Variants in EPHA10 observed in about 807,000 individuals in gnomAD.
EPHA10 encodes ephrin type-A receptor 10.
A neutral mutation model predicts 109.7 loss-of-function variants in EPHA10; 120 were observed. That is an observed-to-expected ratio of 1.09 (90% CI 0.94 to 1.27). The LOEUF (loss-of-function observed/expected upper bound fraction) is 1.27. EPHA10 is among the 50% of genes most tolerant of loss of function. The pLI is 0.00. For missense variants in EPHA10, 1,396 were observed against 1,411.1 expected (o/e 0.99, Z 0.17); for synonymous variants, 640 against 618.9 (o/e 1.03, Z -0.51).
In EPHA10 at chr1:37,761,561, TGGA is replaced by T. The variant is rs1362304417; in HGVS notation, c.691_693del (p.Ser231del). On this transcript the variant is annotated inframe_deletion, in exon 3 of 17. Transcript: ENST00000373048. Reference sequence around the variant, plus strand: ...CACGTTCCGGCCACTTCCACCAGTGTGGAGAAGGCGCTCTCGGCTGCGGTGGCT... The same window carrying T: ...CACGTTCCGGCCACTTCCACCAGTGTGAAGGCGCTCTCGGCTGCGGTGGCT... 6.3e-7 allele frequency: 1 copy of T among 1,598,384 alleles called. No homozygotes were observed. Among genetic ancestry groups the T allele is most frequent in the East Asian group, 2.2e-5 (1 of 44,730 alleles).
At chr1:37,729,338 A>G (rs1162532046) in intron 7 of EPHA10, among the ~76,000 whole-genome samples, 1 of 152,202 alleles carries the variant, frequency 6.6e-6, no homozygotes, top group African/African-American at 2.4e-5. Context: ...GATTATAAAT[A>G]TTTGTTGTTT....
intron 3 of EPHA10, among the ~76,000 whole-genome samples, chr1:37,757,147 C>A (rs561367326): frequency 2.7e-4 from 41 of 152,310 alleles, no homozygotes; most frequent in African/African-American, 9.6e-4. Context: ...ATTAAAGCTA[C>A]TTGTTATATG....
chr1:37,729,770 A>C (rs1645951451), intron 7 of EPHA10, among the ~76,000 whole-genome samples: 1 of 151,908 alleles, frequency 6.6e-6, no homozygotes, highest in African/African-American at 2.4e-5. Flanking sequence ...CTACTTGGGA[A>C]GCTGAGGTGG....
At position 37,754,178 on chromosome 1, in the gene EPHA10, C is replaced by T. The variant is rs1306842884; in HGVS notation, c.1006+37G>A. The T allele has an allele frequency of 3.2e-6, 4 of 1,266,442 alleles. No homozygotes were observed. The highest frequency in any genetic ancestry group is 4.0e-6 in the Non-Finnish European group (4 of 998,536). 78.5% of individuals were successfully genotyped at this position (1,266,442 alleles called of 1,614,324 possible). A position where few individuals can be genotyped will look rare whatever the true frequency, so the allele number is the denominator to read the frequency against. On this transcript the variant is annotated intron_variant, in intron 4 of 16. Transcript: ENST00000373048. The surrounding 1 kb of genome is among the most constrained non-coding windows in gnomAD (Gnocchi z 4.5). ...CCTTCCTTCTTGGCCACTCCCACCC[C>T]CCACCCTCCGCAGTGCAGCCTGGAG...
Position 37,721,858 on chromosome 1 carries a change from A to T in EPHA10, c.1961-13T>A. 1 of 1,554,496 alleles carries T rather than the reference A, an allele frequency of 6.4e-7. No individual in the cohort carries two copies. Among genetic ancestry groups the T allele is most frequent in the Non-Finnish European group, 8.7e-7 (1 of 1,146,236 alleles). On this transcript the variant is annotated splice_polypyrimidine_tract_variant and intron_variant, in intron 10 of 16. Transcript: ENST00000373048. The stretch of plus-strand genomic sequence containing the variant: ...TCCCCAAACCGCCCTGTGGGGAAAC[A>T]GCACCTCAGATACCGCCAGAGGCCA...
At chr1:37,732,464 G>A (rs1411494933) in intron 6 of EPHA10, among the ~76,000 whole-genome samples, 1 of 152,148 alleles carries the variant, frequency 6.6e-6, no homozygotes, top group Non-Finnish European at 1.5e-5. Context: ...TCTCCCCACT[G>A]ATATTCGGTG....
intron 5 of EPHA10, among the ~76,000 whole-genome samples, chr1:37,746,388 C>T (rs1646243313): frequency 6.6e-6 from 1 of 152,052 alleles, no homozygotes; most frequent in Admixed American, 6.6e-5. Context: ...TGAGCCACCA[C>T]ACCGGGTAGT....
rs770343274 is a variant in EPHA10, at chr1:37,764,472, A to C, written c.106+489T>G. On this transcript the variant is annotated intron_variant, in intron 1 of 16. Coordinates refer to ENST00000373048, the MANE Select transcript of EPHA10 (RefSeq NM_001099439.2). This position sits in a 1 kb window ranked among gnomAD's most constrained non-coding sequence, Gnocchi z 5.8. ...ACGCTCAGAATTCAGCACTGCGGAC[A>C]GTTCCATGATCAGCACGTCGGGCAG... Among the ~76,000 whole-genome samples, 84 of 152,352 alleles carry C rather than the reference A, an allele frequency of 5.5e-4. 1 individual carries two copies. The highest frequency in any genetic ancestry group is 7.2e-4 in the Non-Finnish European group (49 of 68,034).
At chr1:37,745,112 G>A (rs1308382445) in intron 5 of EPHA10, among the ~76,000 whole-genome samples, 4 of 152,188 alleles carry the variant, frequency 2.6e-5, no homozygotes, top group Non-Finnish European at 4.4e-5. Context: ...AGGCAGCGTG[G>A]CTCTGACGAC....
intron 5 of EPHA10, among the ~76,000 whole-genome samples, chr1:37,749,120 C>T (rs1200668060): frequency 6.6e-6 from 1 of 151,098 alleles, no homozygotes; most frequent in Non-Finnish European, 1.5e-5. Flanking sequence ...GACGGGGTTT[C>T]ACCATGTTGG....
At chr1:37,723,013 G>T in intron 10 of EPHA10, 28 bp downstream of exon 10, 1 of 1,613,916 alleles carries the variant, frequency 6.2e-7, no homozygotes, top group Non-Finnish European at 8.5e-7. Context: ...TCCAGATGGG[G>T]ACAAGGCTTC....
intron 5 of EPHA10, among the ~76,000 whole-genome samples, chr1:37,739,616 G>A (rs571907344): frequency 6.7e-6 from 1 of 150,012 alleles, no homozygotes; most frequent in African/African-American, 2.5e-5. Context: ...TTGAACCCAG[G>A]AAGTGGAGGT....
chr1:37,718,815 GC>G lies in EPHA10; in HGVS notation c.2757del (p.Arg919SerfsTer6). On this transcript the variant is annotated frameshift_variant and splice_region_variant, in exon 16 of 17. Coordinates refer to ENST00000373048, the MANE Select transcript of EPHA10 (RefSeq NM_001099439.2). LOFTEE classifies it high-confidence loss of function. ...GCACGGTCCGCTAGTGGGGTGGGAG[GC>G]CTGCGGGTCAGAGGAGCTGTGCTCA... ...PPKCALTTCP[R>X]PPTPLADRAF... The G allele has an allele frequency of 6.2e-7, 1 of 1,609,500 alleles. No individual in the cohort carries two copies. Among genetic ancestry groups the G allele is most frequent in the Non-Finnish European group, 8.5e-7 (1 of 1,178,332 alleles).
intron 5 of EPHA10, 85 bp from the exon 6 acceptor site, chr1:37,735,475 G>A: frequency 2.0e-6 from 3 of 1,486,858 alleles, no homozygotes; most frequent in Non-Finnish European, 2.7e-6. Flanking sequence ...CGGCGTGCGG[G>A]GCTGTGGGAC....
In EPHA10 at chr1:37,716,606, G is replaced by C. The variant is rs1382905731; in HGVS notation, c.*1766C>G. 1 of 232,594 alleles carries C rather than the reference G, an allele frequency of 4.3e-6. No individual in the cohort carries two copies. Among genetic ancestry groups the C allele is most frequent in the African/African-American group, 2.2e-5 (1 of 45,270 alleles). The allele number at this position is 232,594 out of a possible 1,614,324, so 14.4% of individuals were successfully genotyped here. A position where few individuals can be genotyped will look rare whatever the true frequency, so the allele number is the denominator to read the frequency against. ...AGGGGAGCTGCTGCTGGCAGGGTAAGGCCAAAGGCACCTCTGTGAGTCACT... is the reference window on the plus strand; with the variant it reads ...AGGGGAGCTGCTGCTGGCAGGGTAACGCCAAAGGCACCTCTGTGAGTCACT... On this transcript the variant is annotated 3_prime_UTR_variant, in exon 17 of 17. Transcript: ENST00000373048.
At position 37,723,054 on chromosome 1, in the gene EPHA10, CCT is replaced by C; in HGVS notation, c.1945_1946del (p.Arg649GlufsTer53). 2 of 1,614,194 alleles carry C rather than the reference CCT, an allele frequency of 1.2e-6. No homozygotes were observed. Among genetic ancestry groups the C allele is most frequent in the Non-Finnish European group, 1.7e-6 (2 of 1,180,040 alleles). On this transcript the variant is annotated frameshift_variant, in exon 10 of 17. Coordinates refer to ENST00000373048, the MANE Select transcript of EPHA10 (RefSeq NM_001099439.2). LOFTEE classifies it high-confidence loss of function. ...ELDAKSVTLE[R>X]SLGGGRFGEL... ...CGCCCAGCTTGCCTCCTCCAAGGCT[CCT>C]CTCCAGCGTGACGCTTTTCGCATCC... is the stretch of plus-strand genomic sequence containing the variant.
chr1:37,739,183 A>T (rs1646116201), intron 5 of EPHA10, among the ~76,000 whole-genome samples: 1 of 152,200 alleles, frequency 6.6e-6, no homozygotes, highest in African/African-American at 2.4e-5. Context: ...GAAAAGAAAA[A>T]AGAATATATG....
chr1:37,720,914 C>G (rs548455758), intron 11 of EPHA10, 70 bp from the exon 12 acceptor site: 45 of 1,525,276 alleles, frequency 3.0e-5, no homozygotes, highest in East Asian at 2.3e-4. Context: ...AGTTTCCCCC[C>G]CAGGGTCCCA....
In EPHA10 at chr1:37,752,999, G is replaced by C; in HGVS notation, c.1234C>G (p.Leu412Val). 1 of 1,234,952 alleles carries C rather than the reference G, an allele frequency of 8.1e-7. No homozygotes were observed. 76.5% of individuals were successfully genotyped at this position (1,234,952 alleles called of 1,614,324 possible). A position where few individuals can be genotyped will look rare whatever the true frequency, so the allele number is the denominator to read the frequency against. Residue 412 changes from leucine to valine, a missense_variant, in exon 5 of 17, where the codon CTG (leucine) becomes GTG (valine). Transcript: ENST00000373048. ...QAGLRERAATLLHLRPGARYT... is the reference protein window; with the variant it reads ...QAGLRERAATVLHLRPGARYT... ...CGCGCGCCGGGCCGCAGGTGCAGCA[G>C]CGTGGCGGCTCGCTCCCGCAGCCCT...
Sources: gnomAD v4.1 joint callset for allele counts (sites outside exome capture counted in the v4.1 genomes callset) on GRCh38, gnomAD v4.1.1 for gene constraint, Gnocchi (gnomAD v3.1) non-coding constraint, MANE v1.5 for transcripts, NCBI Gene and HGNC (gene_info 2026-07-23, HGNC 2026-07-21) for gene names.